Variants in SORCS3 observed in about 807,000 individuals in gnomAD.
The protein encoded by SORCS3 is VPS10 domain-containing receptor SorCS3.
In SORCS3, 57 loss-of-function variants were observed where a neutral mutation model predicts 146.3. That is an observed-to-expected ratio of 0.39 (90% CI 0.31 to 0.49). The LOEUF (loss-of-function observed/expected upper bound fraction) is 0.49, where lower values mean the gene tolerates loss of function less well. Among genes scored for constraint, SORCS3 ranks in the 20% least tolerant of loss-of-function variants. The pLI is 0.92. For missense variants in SORCS3, 1,341 were observed against 1,575.5 expected (o/e 0.85, Z 2.52); for synonymous variants, 653 against 618.5 (o/e 1.06, Z -0.83).
chr10:105,039,125 C>G (rs1262928604), intron 4 of SORCS3, among the ~76,000 whole-genome samples: 3 of 152,132 alleles, frequency 2.0e-5, no homozygotes, highest in African/African-American at 7.2e-5. Context: ...GTTTGATACA[C>G]TTTTAGTGAC....
intron 2 of SORCS3, 145 bp from the exon 3 acceptor site, chr10:104,915,688 T>C: frequency 1.5e-6 from 1 of 673,098 alleles, no homozygotes; most frequent in African/African-American, 1.8e-5. Context: ...TCTTCTAAAA[T>C]TAATGGGGCT....
intron 2 of SORCS3, among the ~76,000 whole-genome samples, chr10:104,886,012 A>G (rs2018680670): frequency 1.3e-5 from 2 of 152,194 alleles, no homozygotes; most frequent in Non-Finnish European, 2.9e-5. Flanking sequence ...TAACCCATTT[A>G]ACAGCTGAAA....
intron 6 of SORCS3, among the ~76,000 whole-genome samples, chr10:105,099,205 C>T (rs2055766687): frequency 6.6e-6 from 1 of 152,144 alleles, no homozygotes; most frequent in African/African-American, 2.4e-5. Flanking sequence ...CTTGAATCTG[C>T]TTGTTTTCAC....
At chr10:104,810,010 C>A (rs1589507472) in intron 1 of SORCS3, among the ~76,000 whole-genome samples, 1 of 152,188 alleles carries the variant, frequency 6.6e-6, no homozygotes, top group East Asian at 1.9e-4. Flanking sequence ...GTGTCACCCA[C>A]CAGTGGGTTG....
In SORCS3 at chr10:104,662,961, G is replaced by A. The variant is rs77227541; in HGVS notation, c.627+21007G>A. The stretch of plus-strand genomic sequence containing the variant: ...CAAAATCCATTCTCCCTACTTCATG[G>A]GAGGAAAAAGAAAGGCTCAGAGAGG... On this transcript the variant is annotated intron_variant, in intron 1 of 26. Transcript: ENST00000369701. Among the ~76,000 whole-genome samples the A allele has an allele frequency of 2.8e-4, 42 of 152,296 alleles. No individual in the cohort carries two copies. The East Asian group carries it at 7.5e-3, about 27-fold the overall frequency.
chr10:105,195,065 C>T (rs999231666), intron 14 of SORCS3, among the ~76,000 whole-genome samples: 1 of 152,008 alleles, frequency 6.6e-6, no homozygotes, highest in Non-Finnish European at 1.5e-5. Context: ...AAGTATTGCC[C>T]GATTTGAGAA....
chr10:105,194,902 ACT>A (rs2056535733), intron 14 of SORCS3, among the ~76,000 whole-genome samples: 1 of 152,108 alleles, frequency 6.6e-6, no homozygotes, highest in South Asian at 2.1e-4. Flanking sequence ...CTAATAAGAA[ACT>A]CTGGGAGTGA....
intron 3 of SORCS3, among the ~76,000 whole-genome samples, chr10:104,946,450 T>C (rs1390310471): frequency 2.0e-5 from 3 of 152,138 alleles, no homozygotes; most frequent in African/African-American, 7.2e-5. Flanking sequence ...GGAGCTAGCC[T>C]ATTTCCCTGC....
intron 1 of SORCS3, among the ~76,000 whole-genome samples, chr10:104,783,507 G>A (rs182900577): frequency 1.2e-4 from 19 of 152,302 alleles, no homozygotes; most frequent in Non-Finnish European, 2.5e-4. Flanking sequence ...ACCGAGGCGG[G>A]TGGATCACCT....
In SORCS3 at chr10:105,164,424, G is replaced by A. The variant is rs532704193; in HGVS notation, c.1809+45G>A. 1.2e-5 allele frequency: 16 copies of A among 1,290,286 alleles called. No individual in the cohort carries two copies. In the South Asian group the frequency reaches 1.5e-4, roughly 12 times the overall value. 79.9% of individuals were successfully genotyped at this position (1,290,286 alleles called of 1,614,324 possible). ...AAAAGGGAGGAGGCATTTAGAGTAA[G>A]TTCTACCAATCTCTCTCTCCATCCT... On this transcript the variant is annotated intron_variant, in intron 12 of 26. Transcript: ENST00000369701.
At chr10:105,112,269 C>T (rs2055863695) in intron 7 of SORCS3, among the ~76,000 whole-genome samples, 1 of 152,022 alleles carries the variant, frequency 6.6e-6, no homozygotes, top group Non-Finnish European at 1.5e-5. Context: ...TAGAAACCAT[C>T]TCAAATGATT....
chr10:104,933,852 T>C (rs779441311), intron 3 of SORCS3, among the ~76,000 whole-genome samples: 1 of 152,164 alleles, frequency 6.6e-6, no homozygotes, highest in Non-Finnish European at 1.5e-5. Context: ...TGGAGTGCAA[T>C]GGTGCAATCT....
chr10:105,189,879 C>G (rs777218299), intron 14 of SORCS3, among the ~76,000 whole-genome samples: 2 of 152,198 alleles, frequency 1.3e-5, no homozygotes, highest in Non-Finnish European at 2.9e-5. Context: ...CCAATAGACT[C>G]ATAGCTCAGA....
chr10:105,069,743 G>A (rs777591887), intron 5 of SORCS3, among the ~76,000 whole-genome samples: 12 of 152,056 alleles, frequency 7.9e-5, no homozygotes, highest in Non-Finnish European at 1.3e-4. Flanking sequence ...TTGAAATGTC[G>A]TCCCTCTTAT....
intron 3 of SORCS3, among the ~76,000 whole-genome samples, chr10:104,970,107 T>A (rs1430274784): frequency 6.6e-6 from 1 of 152,120 alleles, no homozygotes; most frequent in African/African-American, 2.4e-5. Flanking sequence ...CATTGGTACA[T>A]GATATGGAGC....
intron 20 of SORCS3, among the ~76,000 whole-genome samples, chr10:105,239,647 C>T (rs1485681372): frequency 6.6e-6 from 1 of 152,150 alleles, no homozygotes; most frequent in African/African-American, 2.4e-5. Context: ...TGTGGGCTGG[C>T]TCTGTAGATT....
At chr10:104,673,419 C>CGTGTGTGTGT (rs61501873) in intron 1 of SORCS3, among the ~76,000 whole-genome samples, 3 of 146,090 alleles carry the variant, frequency 2.1e-5, no homozygotes, top group African/African-American at 5.0e-5. Flanking sequence ...TTCTTATTTC[C>CGTGTGTGTGT]GTGTGTGTGT....
At chr10:104,908,269 C>G (rs778912568) in intron 2 of SORCS3, among the ~76,000 whole-genome samples, 1 of 152,180 alleles carries the variant, frequency 6.6e-6, no homozygotes, top group Non-Finnish European at 1.5e-5. Context: ...CTTATGGTGA[C>G]AATTGGAAAC....
intron 3 of SORCS3, among the ~76,000 whole-genome samples, chr10:104,953,565 CA>C (rs1342594715): frequency 6.6e-6 from 1 of 152,170 alleles, no homozygotes; most frequent in Non-Finnish European, 1.5e-5. Flanking sequence ...TGGCATTTTC[CA>C]GGTGCCACCA....
Sources: gnomAD v4.1 joint callset for allele counts (sites outside exome capture counted in the v4.1 genomes callset) on GRCh38, gnomAD v4.1.1 for gene constraint, MANE v1.5 for transcripts, NCBI Gene and HGNC (gene_info 2026-07-23, HGNC 2026-07-21) for gene names.